Variants in MAP3K20 observed in about 807,000 individuals in gnomAD.
The protein encoded by MAP3K20 is HCCS-4.
MAP3K20 carries 40 observed loss-of-function variants against 85.7 expected under a neutral mutation model. That is an observed-to-expected ratio of 0.47 (90% confidence interval 0.36 to 0.61). The LOEUF (loss-of-function observed/expected upper bound fraction) is 0.61, where lower values mean the gene tolerates loss of function less well. Among genes scored for constraint, MAP3K20 ranks in the 20% least tolerant of loss-of-function variants. The pLI, the probability that MAP3K20 is intolerant of heterozygous loss-of-function variation, is 0.00. For missense variants in MAP3K20, 817 were observed against 961.7 expected, an observed-to-expected ratio of 0.85 and a Z score of 1.99; for synonymous variants, 325 against 327.7, an observed-to-expected ratio of 0.99 and a Z score of 0.09.
rs547191800 is a variant in MAP3K20 at position 173,161,164 on chromosome 2, G to A, written c.160-8641G>A. Among the ~76,000 whole-genome samples the A allele has an allele frequency of 2.6e-5, 4 of 152,324 alleles. No homozygotes were observed. In the East Asian group the frequency reaches 7.7e-4, roughly 29 times the overall value. On this transcript the variant is annotated intron_variant, in intron 2 of 19. Coordinates refer to ENST00000375213, the MANE Select transcript of MAP3K20 (RefSeq NM_016653.3). ...GCTTGAAGAATGCAAAGCAGCAAAG[G>A]ATTCTCAAGAAATTGTGCTCATGTA...
At chr2:173,250,955 A>G in intron 16 of MAP3K20, among the ~76,000 whole-genome samples, 1 of 152,218 alleles carries the variant, frequency 6.6e-6, no homozygotes, top group East Asian at 1.9e-4. Flanking sequence ...GCAGGGTTAT[A>G]CTTAATGATA....
At chr2:173,266,012 T>C in intron 19 of MAP3K20, 38 bp from the exon 20 acceptor site, 10 of 1,527,104 alleles carry the variant, frequency 6.5e-6, no homozygotes, top group Non-Finnish European at 8.8e-6. Context: ...GCAGCTTTAG[T>C]GTGGCTTAAA....
intron 1 of MAP3K20, among the ~76,000 whole-genome samples, chr2:173,088,198 G>T (rs916241784): frequency 6.6e-6 from 1 of 152,172 alleles, no homozygotes; most frequent in African/African-American, 2.4e-5. Context: ...CAAAAACAGG[G>T]CAACTGATAA....
intron 2 of MAP3K20, among the ~76,000 whole-genome samples, chr2:173,107,530 C>T (rs1042777795): frequency 5.3e-5 from 8 of 152,112 alleles, no homozygotes; most frequent in Non-Finnish European, 8.8e-5. Context: ...TCAGGACTCG[C>T]CTATTTACAT....
intron 2 of MAP3K20, among the ~76,000 whole-genome samples, chr2:173,110,061 C>T (rs1480263481): frequency 1.3e-5 from 2 of 150,558 alleles, no homozygotes; most frequent in Non-Finnish European, 3.0e-5. Flanking sequence ...AATGATCCTC[C>T]TCCTTTTAAG....
At chr2:173,134,426 A>ATTTTTTTTTTTTTTT (rs1457014949) in intron 2 of MAP3K20, among the ~76,000 whole-genome samples, 3 of 4,672 alleles carry the variant, frequency 6.4e-4, no homozygotes, top group Non-Finnish European at 8.7e-4. Flanking sequence ...ATATATATAT[A>ATTTTTTTTTTTTTTT]TATTTTTTTT....
In MAP3K20 at chr2:173,216,738, A is replaced by G. The variant is rs1263406031; in HGVS notation, c.852-377A>G. ...TGAATATCATTTTCCCACCTATACT[A>G]TGAGATTAATACCTGTTTCTTGGGA... is the stretch of plus-strand genomic sequence containing the variant. On this transcript the variant is annotated intron_variant, in intron 10 of 19. Coordinates refer to ENST00000375213, the MANE Select transcript of MAP3K20 (RefSeq NM_016653.3). Among the ~76,000 whole-genome samples, 3 of 152,110 alleles carry G rather than the reference A, an allele frequency of 2.0e-5. No individual in the cohort carries two copies. The East Asian group carries it at 5.8e-4, about 29-fold the overall frequency.
At chr2:173,183,076 G>A (rs533532742) in intron 4 of MAP3K20, 121 bp downstream of exon 4, 1 of 743,516 alleles carries the variant, frequency 1.3e-6, no homozygotes, top group African/African-American at 1.9e-5. Flanking sequence ...CAGACCAAAA[G>A]TAGTAAGAAT....
chr2:173,214,244 C>T (rs1684002604), intron 10 of MAP3K20: 1 of 152,192 alleles, frequency 6.6e-6, no homozygotes, highest in Non-Finnish European at 1.5e-5. Flanking sequence ...CCTCAGTCAT[C>T]AGATCTTCAG....
intron 2 of MAP3K20, among the ~76,000 whole-genome samples, chr2:173,151,528 A>G (rs1305374082): frequency 6.6e-6 from 1 of 152,228 alleles, no homozygotes; most frequent in Non-Finnish European, 1.5e-5. Flanking sequence ...ACTCAGATCA[A>G]CTACTACTAA....
chr2:173,215,432 CATA>C (rs1684044385), intron 10 of MAP3K20, among the ~76,000 whole-genome samples: 1 of 152,180 alleles, frequency 6.6e-6, no homozygotes. Context: ...CGTGCATAGG[CATA>C]ATATTTTTGT....
chr2:173,174,523 A>G (rs901981883), intron 3 of MAP3K20, among the ~76,000 whole-genome samples: 5 of 152,222 alleles, frequency 3.3e-5, no homozygotes, highest in African/African-American at 4.8e-5. Context: ...ATGTCCCTGC[A>G]AAGGACATGA....
At chr2:173,138,206 T>C (rs903790288) in intron 2 of MAP3K20, among the ~76,000 whole-genome samples, 4 of 152,166 alleles carry the variant, frequency 2.6e-5, no homozygotes, top group Admixed American at 1.3e-4. Flanking sequence ...CCTGACCTCG[T>C]GTTTCGCCCG....
At chr2:173,259,274 C>G (rs951114596) in intron 17 of MAP3K20, among the ~76,000 whole-genome samples, 1 of 152,194 alleles carries the variant, frequency 6.6e-6, no homozygotes, top group Non-Finnish European at 1.5e-5. Context: ...CTTAAGTTCA[C>G]ACCTATGAAT....
chr2:173,222,977 T>C (rs1684291586), intron 11 of MAP3K20: 1 of 985,282 alleles, frequency 1.0e-6, no homozygotes, highest in South Asian at 4.7e-5. Flanking sequence ...AACCAAAATA[T>C]TTTTGGTGGG....
chr2:173,183,597 CTTTT>C (rs527863392), intron 4 of MAP3K20, among the ~76,000 whole-genome samples: 1 of 149,674 alleles, frequency 6.7e-6, no homozygotes, highest in Non-Finnish European at 1.5e-5. Flanking sequence ...TTATTTTTAT[CTTTT>C]TTTTTTCCAT....
intron 8 of MAP3K20, among the ~76,000 whole-genome samples, chr2:173,203,365 G>A (rs577172599): frequency 1.3e-5 from 2 of 152,206 alleles, no homozygotes; most frequent in African/African-American, 2.4e-5. Context: ...TGTGATCTGT[G>A]CTCAGATGTT....
chr2:173,192,209 T>C (rs1414351078), intron 7 of MAP3K20, among the ~76,000 whole-genome samples: 1 of 152,164 alleles, frequency 6.6e-6, no homozygotes, highest in Non-Finnish European at 1.5e-5. Flanking sequence ...CTTCTGTGTT[T>C]TCTTACTGCA....
chr2:173,200,380 A>G (rs1415909635), intron 8 of MAP3K20, among the ~76,000 whole-genome samples: 1 of 152,238 alleles, frequency 6.6e-6, no homozygotes, highest in Non-Finnish European at 1.5e-5. Context: ...CATAATTTAC[A>G]AAATCCCTTC....
Sources: allele counts gnomAD v4.1 joint callset (sites outside exome capture counted in the v4.1 genomes callset), GRCh38; gene constraint gnomAD v4.1.1; transcripts MANE v1.5; gene names NCBI Gene and HGNC (gene_info 2026-07-23, HGNC 2026-07-21).